SPAG16: variants seen among roughly 807,000 people sequenced by gnomAD.
The protein encoded by SPAG16 is sperm-associated antigen 16 protein.
SPAG16 carries 86 observed loss-of-function variants against 80.4 expected under a neutral mutation model. The ratio of observed to expected loss-of-function variants is 1.07; its 90% confidence interval spans 0.90 to 1.28. The LOEUF (loss-of-function observed/expected upper bound fraction) is 1.28, where lower values mean the gene tolerates loss of function less well. Ranked by LOEUF, SPAG16 falls within the 50% of genes most tolerant of loss-of-function variation. The pLI, the probability that SPAG16 is intolerant of heterozygous loss-of-function variation, is 0.00. For missense variants in SPAG16, 870 were observed against 765.3 expected (o/e 1.14, Z -1.61); for synonymous variants, 294 against 265.9 (o/e 1.11, Z -1.03).
intron 13 of SPAG16, among the ~76,000 whole-genome samples, chr2:214,060,172 T>G (rs533276678): frequency 6.6e-6 from 1 of 151,908 alleles, no homozygotes; most frequent in Non-Finnish European, 1.5e-5. Context: ...AGGAAAAAAA[T>G]TTTTCCCTAT....
intron 15 of SPAG16, among the ~76,000 whole-genome samples, chr2:214,221,253 G>T (rs1205895688): frequency 6.6e-6 from 1 of 151,820 alleles, no homozygotes; most frequent in African/African-American, 2.4e-5. Context: ...CAAGTATTTT[G>T]ATCAGAGCCA....
chr2:214,014,442 G>A (rs892163269), intron 13 of SPAG16, among the ~76,000 whole-genome samples: 1 of 152,170 alleles, frequency 6.6e-6, no homozygotes, highest in Admixed American at 6.5e-5. Context: ...AATGAGACAT[G>A]CGTTAATAAA....
chr2:213,945,338 A>G (rs1345178727), intron 12 of SPAG16, among the ~76,000 whole-genome samples: 3 of 149,418 alleles, frequency 2.0e-5, no homozygotes, highest in Non-Finnish European at 4.4e-5. Context: ...TATATATAGT[A>G]TATATATATG....
intron 11 of SPAG16, among the ~76,000 whole-genome samples, chr2:213,900,256 A>G (rs2077164677): frequency 6.6e-6 from 1 of 152,132 alleles, no homozygotes; most frequent in African/African-American, 2.4e-5. Context: ...TTTCACTGCA[A>G]GAATGGCGTG....
intron 9 of SPAG16, among the ~76,000 whole-genome samples, chr2:213,428,622 C>T (rs938114021): frequency 6.6e-6 from 1 of 152,136 alleles, no homozygotes; most frequent in Non-Finnish European, 1.5e-5. Context: ...AGGGCTCTCT[C>T]CCTTCGTGGG....
chr2:214,079,345 A>T (rs190785541), intron 13 of SPAG16, among the ~76,000 whole-genome samples: 2 of 152,210 alleles, frequency 1.3e-5, no homozygotes, highest in East Asian at 3.8e-4. Context: ...TTATATATCA[A>T]TGCCCTCGAG....
intron 5 of SPAG16, among the ~76,000 whole-genome samples, chr2:213,325,618 ATATG>A (rs1366549584): frequency 9.6e-4 from 41 of 42,586 alleles, no homozygotes; most frequent in African/African-American, 1.4e-3. Context: ...TTTTGGAAAA[ATATG>A]TGTGTGTGTG....
chr2:213,429,091 CAA>C (rs10710536), intron 9 of SPAG16, among the ~76,000 whole-genome samples: 7,838 of 128,972 alleles, frequency 0.061, 675 homozygotes, highest in African/African-American at 0.2. Context: ...GACTCCATCT[CAA>C]AAAAAAAAAA....
At position 213,399,923 on chromosome 2, in the gene SPAG16, G is replaced by A. The variant is rs548556194; in HGVS notation, c.942+24804G>A. ...TTTCATCTGAGTTTTAAATTTACTG[G>A]CTTAAAATATTTATCATATTTTTTA... On this transcript the variant is annotated intron_variant, in intron 9 of 15. Coordinates refer to ENST00000331683, the MANE Select transcript of SPAG16 (RefSeq NM_024532.5). Among the ~76,000 whole-genome samples, 108 of 151,882 alleles carry A rather than the reference G, an allele frequency of 7.1e-4. 1 individual carries two copies. The highest frequency in any genetic ancestry group is 2.5e-3 in the African/African-American group (104 of 41,460).
chr2:213,475,582 C>T (rs532584013), intron 9 of SPAG16, among the ~76,000 whole-genome samples: 5 of 152,284 alleles, frequency 3.3e-5, no homozygotes, highest in Admixed American at 2.6e-4. Flanking sequence ...TGGATGGGCT[C>T]TTGCTGCTTA....
At chr2:213,374,911 A>G in intron 8 of SPAG16, 99 bp from the exon 9 acceptor site, 1 of 755,742 alleles carries the variant, frequency 1.3e-6, no homozygotes, top group South Asian at 1.9e-5. Context: ...TTTTAAAAAT[A>G]CATGCATCAT....
At chr2:213,899,645 G>A (rs1263562248) in intron 11 of SPAG16, among the ~76,000 whole-genome samples, 1 of 151,930 alleles carries the variant, frequency 6.6e-6, no homozygotes, top group Non-Finnish European at 1.5e-5. Context: ...GACCATTGAT[G>A]GAAAACAACC....
intron 10 of SPAG16, among the ~76,000 whole-genome samples, chr2:213,562,443 CTT>C (rs898481785): frequency 2.0e-5 from 3 of 152,176 alleles, no homozygotes; most frequent in East Asian, 1.9e-4. Flanking sequence ...GATATTGACT[CTT>C]AAGTTTGTTC....
chr2:214,262,305 G>GT (rs960490314), intron 15 of SPAG16, among the ~76,000 whole-genome samples: 1 of 151,948 alleles, frequency 6.6e-6, no homozygotes, highest in Non-Finnish European at 1.5e-5. Flanking sequence ...TTTTGAACGA[G>GT]TTTTTATGTT....
Position 214,177,971 on chromosome 2 carries a change from G to GTATATATA in SPAG16, c.1720+28739_1720+28746dup, listed in dbSNP as rs34460783. On this transcript the variant is annotated intron_variant, in intron 15 of 15. Coordinates refer to ENST00000331683, the MANE Select transcript of SPAG16 (RefSeq NM_024532.5). ...TTATATCTAACTTCACAAAGTGTAT[G>GTATATATA]TATATATATATATATATATATATAT... Among the ~76,000 whole-genome samples the GTATATATA allele has an allele frequency of 2.3e-3, 137 of 59,204 alleles. 1 individual carries two copies. Among genetic ancestry groups the GTATATATA allele is most frequent in the South Asian group, 4.4e-3 (7 of 1,594 alleles). 38.8% of individuals were successfully genotyped at this position (59,204 alleles called of 152,430 possible).
chr2:213,577,891 A>C (rs958447352), intron 10 of SPAG16, among the ~76,000 whole-genome samples: 6 of 152,112 alleles, frequency 3.9e-5, no homozygotes, highest in African/African-American at 1.4e-4. Context: ...TGGGGTCACC[A>C]TCGCTCTGCC....
Position 214,090,926 on chromosome 2 carries a change from A to C in SPAG16, c.1528-17270A>C, listed in dbSNP as rs373056217. On this transcript the variant is annotated intron_variant, in intron 13 of 15. Transcript: ENST00000331683. ...TGAGATTAATAAACAAAAAATGAGA[A>C]CAAATAAATGAACAATCCAAAATCT... Among the ~76,000 whole-genome samples, 27 of 152,214 alleles carry C rather than the reference A, an allele frequency of 1.8e-4. No homozygotes were observed. In the East Asian group the frequency reaches 3.9e-3, roughly 22 times the overall value.
intron 11 of SPAG16, among the ~76,000 whole-genome samples, chr2:213,909,494 A>C (rs1456648419): frequency 6.6e-6 from 1 of 152,150 alleles, no homozygotes; most frequent in Non-Finnish European, 1.5e-5. Flanking sequence ...AGGCTACAGT[A>C]ACCAAAACAG....
At chr2:214,094,763 C>T (rs1304951121) in intron 13 of SPAG16, among the ~76,000 whole-genome samples, 1 of 152,144 alleles carries the variant, frequency 6.6e-6, no homozygotes, top group African/African-American at 2.4e-5. Context: ...TTATTCTGTG[C>T]CTGCCCAACA....
Sources: allele counts gnomAD v4.1 joint callset (sites outside exome capture counted in the v4.1 genomes callset), GRCh38; gene constraint gnomAD v4.1.1; transcripts MANE v1.5; gene names NCBI Gene and HGNC (gene_info 2026-07-23, HGNC 2026-07-21).